CSMD3: variants seen among roughly 807,000 people sequenced by gnomAD.
CSMD3 encodes the protein CUB and sushi domain-containing protein 3.
Under a neutral mutation model 435.2 loss-of-function variants are expected in CSMD3, and 177 were observed. The observed-to-expected ratio is 0.41, with a 90% CI of 0.36 to 0.46. The LOEUF is 0.46. Ranked by LOEUF, CSMD3 falls within the 20% of genes least tolerant of loss-of-function variation. The probability of loss-of-function intolerance (pLI) is 0.34; values close to 1 mark genes in which losing one functional copy is unlikely to be tolerated. For missense variants in CSMD3, 4,265 were observed against 4,504.6 expected (o/e 0.95, Z 1.52); for synonymous variants, 1,656 against 1,520.5 (o/e 1.09, Z -2.07).
At position 113,019,326 on chromosome 8, in the gene CSMD3, G is replaced by A. The variant is rs2086594078; in HGVS notation, c.918-147C>T. 4.5e-6 allele frequency: 3 copies of A among 667,464 alleles called. No individual in the cohort carries two copies. In the African/African-American group the frequency reaches 5.4e-5, roughly 12 times the overall value. 41.3% of individuals were successfully genotyped at this position (667,464 alleles called of 1,614,324 possible). On this transcript the variant is annotated intron_variant, in intron 5 of 70. Transcript: ENST00000297405. Reference sequence around the variant, plus strand: ...AGCACAAATGAAATAGTTCTTTTATGCATAGAAAAGTCAATCACAGAATAG... The same window carrying A: ...AGCACAAATGAAATAGTTCTTTTATACATAGAAAAGTCAATCACAGAATAG...
In CSMD3 at chr8:112,270,343, A is replaced by AGTGTGT. The variant is rs10577337; in HGVS notation, c.9509-4759_9509-4754dup. The stretch of plus-strand genomic sequence containing the variant: ...AGAATTTCTAAAAAACAGAGGGGTG[A>AGTGTGT]GTGTGTGTGTGTGTGTGTGTGTGTG... On this transcript the variant is annotated intron_variant, in intron 59 of 70. Transcript: ENST00000297405. 4.2e-3 allele frequency among the ~76,000 whole-genome samples: 518 copies of AGTGTGT among 124,300 alleles called. 5 individuals carry two copies. Among genetic ancestry groups the AGTGTGT allele is most frequent in the African/African-American group, 6.5e-3 (237 of 36,352 alleles). 81.5% of individuals were successfully genotyped at this position (124,300 alleles called of 152,430 possible). A position where few individuals can be genotyped will look rare whatever the true frequency, so the allele number is the denominator to read the frequency against.
At chr8:112,728,653 C>T (rs1201842258) in intron 13 of CSMD3, among the ~76,000 whole-genome samples, 1 of 151,996 alleles carries the variant, frequency 6.6e-6, no homozygotes, top group African/African-American at 2.4e-5. Flanking sequence ...TACAAGCCCC[C>T]ATTCTTTCTG....
At chr8:112,723,867 T>G (rs1315301054) in intron 13 of CSMD3, among the ~76,000 whole-genome samples, 1 of 151,954 alleles carries the variant, frequency 6.6e-6, no homozygotes, top group African/African-American at 2.4e-5. Context: ...GGCACACCAA[T>G]GCAGTTATTT....
At chr8:113,293,796 A>G (rs538627182) in intron 2 of CSMD3, among the ~76,000 whole-genome samples, 19 of 152,298 alleles carry the variant, frequency 1.2e-4, no homozygotes, top group South Asian at 1.0e-3. Flanking sequence ...ATTTATGGGT[A>G]GAAAATAATT....
intron 5 of CSMD3, among the ~76,000 whole-genome samples, chr8:113,087,961 C>T (rs1003872566): frequency 6.6e-6 from 1 of 151,146 alleles, no homozygotes; most frequent in African/African-American, 2.4e-5. Flanking sequence ...ACCTACTCAT[C>T]TGACAAAGGG....
chr8:112,511,384 C>CTTTTTTTT (rs34548150), intron 28 of CSMD3, among the ~76,000 whole-genome samples: 3 of 72,406 alleles, frequency 4.1e-5, no homozygotes, highest in African/African-American at 1.2e-4. Context: ...ATTTTCTTTT[C>CTTTTTTTT]TTTTTTTTTT....
rs535236842 is a variant in CSMD3, at chr8:112,245,358, T to A, written c.10223-785A>T. Among the ~76,000 whole-genome samples the A allele has an allele frequency of 7.2e-5, 11 of 152,268 alleles. No homozygotes were observed. In the East Asian group the frequency reaches 1.5e-3, roughly 21 times the overall value. ...TTCCCCTGAAACAGATAGCATTTTT[T>A]AATTATTTGTTCATAGATATACATC... is the stretch of plus-strand genomic sequence containing the variant. On this transcript the variant is annotated intron_variant, in intron 64 of 70. Transcript: ENST00000297405.
At chr8:113,197,826 A>AT (rs2092675783) in intron 3 of CSMD3, among the ~76,000 whole-genome samples, 1 of 151,262 alleles carries the variant, frequency 6.6e-6, no homozygotes, top group Admixed American at 6.6e-5. Context: ...ATATTCAACA[A>AT]TGTCTTTAAT....
chr8:113,334,389 G>A (rs919231808), intron 1 of CSMD3, among the ~76,000 whole-genome samples: 3 of 144,856 alleles, frequency 2.1e-5, no homozygotes, highest in African/African-American at 7.7e-5. Flanking sequence ...GACATTGGTT[G>A]ATTCTGGAAT....
Position 112,410,714 on chromosome 8 carries a change from A to ATATATATATGTGTATATATATATG in CSMD3, c.5396-1683_5396-1682insCATATATATATACACATATATATA, listed in dbSNP as rs1563913689. ...TATATATATATGTGTATATATATAT[A>ATATATATATGTGTATATATATATG]TGTATATATATAGGAAAGGTTTTGT... On this transcript the variant is annotated intron_variant, in intron 32 of 70. Coordinates refer to ENST00000297405, the MANE Select transcript of CSMD3 (RefSeq NM_198123.2). 1.6e-4 allele frequency among the ~76,000 whole-genome samples: 17 copies of ATATATATATGTGTATATATATATG among 106,344 alleles called. 1 individual carries two copies. Among genetic ancestry groups the ATATATATATGTGTATATATATATG allele is most frequent in the African/African-American group, 2.9e-4 (9 of 30,778 alleles). 69.8% of individuals were successfully genotyped at this position (106,344 alleles called of 152,430 possible).
chr8:113,256,123 C>G lies in CSMD3; in HGVS notation c.514+22469G>C, dbSNP rs191446176. On this transcript the variant is annotated intron_variant, in intron 3 of 70. Transcript: ENST00000297405. The stretch of plus-strand genomic sequence containing the variant: ...AGGGACAAAGAGATTTCATGAGAAG[C>G]AACAGCAGAAAGAAAAAAAAAGCAA... 5.1e-3 allele frequency among the ~76,000 whole-genome samples: 777 copies of G among 151,122 alleles called. 10 individuals carry two copies. Among genetic ancestry groups the G allele is most frequent in the African/African-American group, 0.018 (750 of 41,204 alleles).
intron 9 of CSMD3, among the ~76,000 whole-genome samples, chr8:112,933,542 T>C (rs1005886467): frequency 1.8e-4 from 28 of 152,212 alleles, no homozygotes; most frequent in Admixed American, 1.5e-3. Context: ...ACAGTGGAAA[T>C]AGCAATGGAG....
At chr8:112,358,870 T>C (rs1826900207) in intron 38 of CSMD3, among the ~76,000 whole-genome samples, 1 of 152,282 alleles carries the variant, frequency 6.6e-6, no homozygotes, top group South Asian at 2.1e-4. Flanking sequence ...GCAGTAAACC[T>C]ATGTAATAAA....
chr8:112,642,522 T>G (rs1200491430), intron 20 of CSMD3, among the ~76,000 whole-genome samples: 2 of 152,106 alleles, frequency 1.3e-5, no homozygotes, highest in African/African-American at 2.4e-5. Flanking sequence ...TCTTAAATAT[T>G]TAGATATTTA....
chr8:112,947,180 A>G (rs565189062), intron 9 of CSMD3, among the ~76,000 whole-genome samples: 1 of 151,682 alleles, frequency 6.6e-6, no homozygotes, highest in Non-Finnish European at 1.5e-5. Context: ...GAAAAATTCA[A>G]GTTTATTAAA....
intron 1 of CSMD3, among the ~76,000 whole-genome samples, chr8:113,410,900 T>TGAAAGAAGGAAAGAAAGAAA (rs1306552752): frequency 9.5e-6 from 1 of 105,396 alleles, no homozygotes; most frequent in African/African-American, 4.1e-5. Flanking sequence ...CAAAACCCTG[T>TGAAAGAAGGAAAGAAAGAAA]GAAAGAAAGA....
intron 31 of CSMD3, among the ~76,000 whole-genome samples, chr8:112,480,798 T>C (rs976658107): frequency 9.2e-5 from 14 of 152,198 alleles, no homozygotes; most frequent in African/African-American, 3.4e-4. Flanking sequence ...TTACCCAGTT[T>C]CAGGTACTCC....
intron 1 of CSMD3, among the ~76,000 whole-genome samples, chr8:113,329,587 G>GT (rs917843766): frequency 6.6e-6 from 1 of 152,000 alleles, no homozygotes; most frequent in Non-Finnish European, 1.5e-5. Context: ...ATTTGGGTGG[G>GT]AAAAAAGTCG....
chr8:113,221,576 T>C (rs942389056), intron 3 of CSMD3, among the ~76,000 whole-genome samples: 2 of 151,370 alleles, frequency 1.3e-5, no homozygotes, highest in Non-Finnish European at 3.0e-5. Flanking sequence ...AACTGATTTC[T>C]AAGCGCTTAA....
Sources: gnomAD v4.1 joint callset for allele counts (sites outside exome capture counted in the v4.1 genomes callset) on GRCh38, gnomAD v4.1.1 for gene constraint, MANE v1.5 for transcripts, NCBI Gene and HGNC (gene_info 2026-07-23, HGNC 2026-07-21) for gene names.